The following GLIS2 variants were observed in gnomAD, a reference collection of about 807,000 sequenced individuals.
The protein encoded by GLIS2 is zinc finger protein GLIS2.
GLIS2 carries 14 observed loss-of-function variants against 35.6 expected under a neutral mutation model. The ratio of observed to expected loss-of-function variants is 0.39; its 90% CI spans 0.26 to 0.61. GLIS2 has a LOEUF of 0.61. Ranked by LOEUF, GLIS2 falls within the 20% of genes least tolerant of loss-of-function variation. The probability of loss-of-function intolerance (pLI) is 0.48; values close to 1 mark genes in which losing one functional copy is unlikely to be tolerated. For synonymous variants in GLIS2, 368 were observed against 325.1 expected, an observed-to-expected ratio of 1.13 and a Z score of -1.42; for missense variants, 675 against 713.4, an observed-to-expected ratio of 0.95 and a Z score of 0.61.
At chr16:4,328,591 C>T (rs998684564) in intron 1 of GLIS2, among the ~76,000 whole-genome samples, 1 of 152,170 alleles carries the variant, frequency 6.6e-6, no homozygotes, top group Non-Finnish European at 1.5e-5. Flanking sequence ...GGGGCAGGGA[C>T]GCAGGCCGTG....
At chr16:4,336,633 G>A (rs2053553738) in intron 6 of GLIS2, 92 bp from the exon 7 acceptor site, 2 of 1,282,004 alleles carry the variant, frequency 1.6e-6, no homozygotes, top group Non-Finnish European at 1.1e-6. Flanking sequence ...TTCCCAGGGA[G>A]TGCTTGGCCC....
chr16:4,315,513 C>CA (rs1013321994), upstream of GLIS2: 1 of 152,024 alleles, frequency 6.6e-6, no homozygotes, highest in African/African-American at 2.4e-5. Flanking sequence ...CGACCTCCTC[C>CA]ATCTTCCCGG....
At position 4,335,470 on chromosome 16, in the gene GLIS2, G is replaced by C; in HGVS notation, c.775+77G>C. 1 of 1,283,002 alleles carries C rather than the reference G, an allele frequency of 7.8e-7. No homozygotes were observed. Among genetic ancestry groups the C allele is most frequent in the South Asian group, 1.2e-5 (1 of 83,966 alleles). 79.5% of individuals were successfully genotyped at this position (1,283,002 alleles called of 1,614,324 possible). A position where few individuals can be genotyped will look rare whatever the true frequency, so the allele number is the denominator to read the frequency against. On this transcript the variant is annotated intron_variant, in intron 6 of 6. Coordinates refer to ENST00000433375, the MANE Select transcript of GLIS2 (RefSeq NM_032575.3). The surrounding 1 kb of genome is among the most constrained non-coding windows in gnomAD (Gnocchi z 4.6). ...GACCGGCTGGGCAGGTCCCCAGGGG[G>C]AGGGGACTGTTAAGTAAATCCCGGG...
intron 1 of GLIS2, among the ~76,000 whole-genome samples, chr16:4,327,806 C>T (rs2141126555): frequency 6.6e-6 from 1 of 151,768 alleles, no homozygotes; most frequent in East Asian, 1.9e-4. Context: ...CAGCCGCTTC[C>T]TCCCGCTCGC....
chr16:4,315,667 G>A (rs1252549610), upstream of GLIS2, among the ~76,000 whole-genome samples: 1 of 96,582 alleles, frequency 1.0e-5, no homozygotes, highest in Non-Finnish European at 2.0e-5. Context: ...GCGGGGCCGC[G>A]GGGGGGGGGT....
rs1007629753 is a variant in GLIS2 at position 4,333,383 on chromosome 16, A to T, written c.209A>T (p.Glu70Val). The change falls in exon 3 of 7, where the codon GAG becomes GTG. Residue 70 changes from glutamate to valine, a missense_variant. Physicochemically the swap from Glu to Val is moderately radical, Grantham distance 121. Transcript: ENST00000433375. ...LLNSKFPEKV[E>V]GRFSAAPLVD... ...AACTCCAAGTTCCCCGAGAAGGTGGAGGGACGCTTTTCAGCAGCCCCTCTC... is the reference window on the plus strand; with the variant it reads ...AACTCCAAGTTCCCCGAGAAGGTGGTGGGACGCTTTTCAGCAGCCCCTCTC... 1.9e-6 allele frequency: 3 copies of T among 1,612,814 alleles called. No individual in the cohort carries two copies. The highest frequency in any genetic ancestry group is 2.7e-5 in the African/African-American group (2 of 74,834).
At chr16:4,331,916 C>G in intron 1 of GLIS2, 1 of 378,508 alleles carries the variant, frequency 2.6e-6, no homozygotes, top group East Asian at 6.3e-5. Flanking sequence ...GCCACTTGCA[C>G]TCCAGCCTGA....
intron 1 of GLIS2, among the ~76,000 whole-genome samples, chr16:4,318,055 C>T (rs1364021315): frequency 1.3e-5 from 2 of 152,168 alleles, no homozygotes; most frequent in Non-Finnish European, 2.9e-5. Flanking sequence ...ACCTGCCAGT[C>T]CCTCCCTCAC....
Position 4,336,941 on chromosome 16 carries a change from TG to T in GLIS2, c.993del (p.Arg332AlafsTer192). On this transcript the variant is annotated frameshift_variant, in exon 7 of 7. Transcript: ENST00000433375. LOFTEE classifies it high-confidence loss of function. ...VSHEQQELLQ[L>X]RPPPKPPLPA... ...CACGAGCAGCAAGAGCTCCTGCAGC[TG>T]CGCCCACCCCCCAAGCCGCCACTGC... 1 of 1,611,566 alleles carries T rather than the reference TG, an allele frequency of 6.2e-7. No individual in the cohort carries two copies. The highest frequency in any genetic ancestry group is 8.5e-7 in the Non-Finnish European group (1 of 1,179,652).
At chr16:4,325,035 C>T (rs879357886) in intron 1 of GLIS2, among the ~76,000 whole-genome samples, 2 of 152,208 alleles carry the variant, frequency 1.3e-5, no homozygotes, top group Non-Finnish European at 2.9e-5. Context: ...AGCAGGGAGC[C>T]GCAGCTGGTT....
At chr16:4,317,617 C>T (rs988103115) in intron 1 of GLIS2, among the ~76,000 whole-genome samples, 1 of 152,120 alleles carries the variant, frequency 6.6e-6, no homozygotes, top group African/African-American at 2.4e-5. Context: ...TTCTCCTTCT[C>T]CCCAGAGCCC....
chr16:4,337,552 C>T lies in GLIS2; in HGVS notation c.*28C>T. ...CCATCCTGCGGACAGTTGTGGTGCC[C>T]CCCCGGCAGCTCCCGGCACTGCCCC... On this transcript the variant is annotated 3_prime_UTR_variant, in exon 7 of 7. Transcript: ENST00000433375. 6.5e-7 allele frequency: 1 copy of T among 1,542,646 alleles called. No homozygotes were observed. Among genetic ancestry groups the T allele is most frequent in the Non-Finnish European group, 8.7e-7 (1 of 1,149,718 alleles).
intron 1 of GLIS2, among the ~76,000 whole-genome samples, chr16:4,330,092 C>A (rs1044579342): frequency 1.3e-5 from 2 of 152,130 alleles, no homozygotes; most frequent in African/African-American, 4.8e-5. Flanking sequence ...GCCTGGCCAA[C>A]ATGGTGAAAC....
intron 1 of GLIS2, among the ~76,000 whole-genome samples, chr16:4,316,709 C>T (rs1179270046): frequency 1.3e-5 from 2 of 152,148 alleles, no homozygotes; most frequent in African/African-American, 4.8e-5. Context: ...TGCCTCCTCC[C>T]TTGGCCGGGA....
At chr16:4,315,824 C>A (rs2053303599), upstream of GLIS2, among the ~76,000 whole-genome samples, 1 of 150,792 alleles carries the variant, frequency 6.6e-6, no homozygotes, top group Non-Finnish European at 1.5e-5. Flanking sequence ...CCGCCCCCTC[C>A]CCCGACGCGC....
rs994392549 is a variant in GLIS2, at chr16:4,334,666, G to T, written c.346-135G>T. Reference sequence around the variant, plus strand: ...TGCAAAGATCCTAGTTCCAAATAAGGCCACATGCACAGGTAGGGGCTGGGG... The same window carrying T: ...TGCAAAGATCCTAGTTCCAAATAAGTCCACATGCACAGGTAGGGGCTGGGG... On this transcript the variant is annotated intron_variant, in intron 3 of 6. Coordinates refer to ENST00000433375, the MANE Select transcript of GLIS2 (RefSeq NM_032575.3). 13 of 997,200 alleles carry T rather than the reference G, an allele frequency of 1.3e-5. No homozygotes were observed. The Admixed American group carries it at 2.5e-4, about 19-fold the overall frequency. 61.8% of individuals were successfully genotyped at this position (997,200 alleles called of 1,614,324 possible). A position where few individuals can be genotyped will look rare whatever the true frequency, so the allele number is the denominator to read the frequency against.
chr16:4,315,946 G>A (rs2053305294), upstream of GLIS2, among the ~76,000 whole-genome samples: 1 of 147,528 alleles, frequency 6.8e-6, no homozygotes, highest in Non-Finnish European at 1.5e-5. Context: ...CGCCCCCCGC[G>A]CCCCTCCTCC....
chr16:4,321,141 A>C (rs373995628), intron 1 of GLIS2, among the ~76,000 whole-genome samples: 4 of 152,200 alleles, frequency 2.6e-5, no homozygotes, highest in East Asian at 3.9e-4. Flanking sequence ...TTGCCCAGCT[A>C]TCTGGGGCTG....
In GLIS2 at chr16:4,335,959, A is replaced by G; in HGVS notation, c.775+566A>G. The G allele has an allele frequency of 1.1e-5, 2 of 178,598 alleles. 1 individual carries two copies. The highest frequency in any genetic ancestry group is 2.5e-4 in the South Asian group (2 of 7,998). 11.1% of individuals were successfully genotyped at this position (178,598 alleles called of 1,614,324 possible). ...GGTGTTTATTTCACCCTGGCAGCACATCTCCAGGTGGAGAGCCATGTATCA... is the reference window on the plus strand; with the variant it reads ...GGTGTTTATTTCACCCTGGCAGCACGTCTCCAGGTGGAGAGCCATGTATCA... On this transcript the variant is annotated intron_variant, in intron 6 of 6. Transcript: ENST00000433375. This position sits in a 1 kb window ranked among gnomAD's most constrained non-coding sequence, Gnocchi z 4.6.
Sources: gnomAD v4.1 joint callset for allele counts (sites outside exome capture counted in the v4.1 genomes callset) on GRCh38, gnomAD v4.1.1 for gene constraint, Gnocchi (gnomAD v3.1) non-coding constraint, MANE v1.5 for transcripts, NCBI Gene and HGNC (gene_info 2026-07-23, HGNC 2026-07-21) for gene names.